The following BORCS5 variants were observed in gnomAD, a reference collection of about 807,000 sequenced individuals.
BORCS5 encodes the protein BLOC-1 related complex subunit 5, also known as BLOC-1-related complex subunit 5.
A neutral mutation model predicts 22.1 loss-of-function variants in BORCS5; 17 were observed. The observed-to-expected ratio is 0.77, with a 90% confidence interval of 0.53 to 1.15. The LOEUF is 1.15. BORCS5 is among the 50% of genes most tolerant of loss of function. BORCS5 has a pLI of 0.00. For missense variants in BORCS5, 247 were observed against 253.2 expected (o/e 0.98, Z 0.17); for synonymous variants, 117 against 99.8 (o/e 1.17, Z -1.03).
intron 2 of BORCS5, among the ~76,000 whole-genome samples, chr12:12,363,310 A>T (rs549222249): frequency 6.6e-6 from 1 of 151,706 alleles, no homozygotes; most frequent in Non-Finnish European, 1.5e-5. Flanking sequence ...AGAAAAAAAA[A>T]AAAAGCCGGC....
intron 3 of BORCS5, 79 bp downstream of exon 3, chr12:12,435,864 A>G (rs1202419971): frequency 1.4e-6 from 2 of 1,397,106 alleles, no homozygotes; most frequent in African/African-American, 2.9e-5. Context: ...TTAAGACTTG[A>G]CATTTGTCAC....
At chr12:12,406,051 A>G (rs1475643078) in intron 2 of BORCS5, among the ~76,000 whole-genome samples, 1 of 152,260 alleles carries the variant, frequency 6.6e-6, no homozygotes, top group African/African-American at 2.4e-5. Flanking sequence ...ACTTTGCCAC[A>G]GGGATTGCTT....
intron 2 of BORCS5, among the ~76,000 whole-genome samples, chr12:12,382,534 C>CT (rs199692677): frequency 0.048 from 6,404 of 132,468 alleles, 307 homozygotes; most frequent in African/African-American, 0.089. Context: ...TGGTATATAT[C>CT]TTTTTTTTTT....
At chr12:12,434,206 C>T (rs1465884101) in intron 2 of BORCS5, among the ~76,000 whole-genome samples, 2 of 148,530 alleles carry the variant, frequency 1.3e-5, no homozygotes, top group Non-Finnish European at 3.0e-5. Flanking sequence ...TTGCTTGGGT[C>T]CAGGAGGTCG....
intron 3 of BORCS5, among the ~76,000 whole-genome samples, chr12:12,455,323 C>T (rs1416577109): frequency 6.6e-6 from 1 of 152,194 alleles, no homozygotes; most frequent in Non-Finnish European, 1.5e-5. Context: ...CCTAAACTGA[C>T]ATCCTTGGGG....
Position 12,357,104 on chromosome 12 carries a change from G to A in BORCS5, c.-348G>A. Reference sequence around the variant, plus strand: ...TCTGCGTCCCGGAAGGAGCGAGCTTGCGGAGCGTGAACCAGTGAGTGAAAG... The same window carrying A: ...TCTGCGTCCCGGAAGGAGCGAGCTTACGGAGCGTGAACCAGTGAGTGAAAG... On this transcript the variant is annotated 5_prime_UTR_variant, in exon 1 of 4. Transcript: ENST00000314565. 1 of 1,534,654 alleles carries A rather than the reference G, an allele frequency of 6.5e-7. No individual in the cohort carries two copies. The highest frequency in any genetic ancestry group is 1.2e-5 in the South Asian group (1 of 83,992).
At chr12:12,452,091 C>G (rs1046903982) in intron 3 of BORCS5, 3 of 474,126 alleles carry the variant, frequency 6.3e-6, no homozygotes, top group Non-Finnish European at 1.2e-5. Context: ...TGGGAGTAGC[C>G]TTTTTAAATT....
At chr12:12,439,590 C>CA (rs1188565197) in intron 3 of BORCS5, among the ~76,000 whole-genome samples, 3 of 152,184 alleles carry the variant, frequency 2.0e-5, no homozygotes, top group Non-Finnish European at 4.4e-5. Context: ...ATCTCCACTC[C>CA]AGTCTGGGCT....
chr12:12,425,372 C>T (rs1227755031), intron 2 of BORCS5, among the ~76,000 whole-genome samples: 2 of 152,162 alleles, frequency 1.3e-5, no homozygotes, highest in Non-Finnish European at 2.9e-5. Context: ...CTTCCTACCA[C>T]AGTCTTCCCC....
chr12:12,394,479 G>A (rs1441353428), intron 2 of BORCS5, among the ~76,000 whole-genome samples: 1 of 151,870 alleles, frequency 6.6e-6, no homozygotes, highest in Non-Finnish European at 1.5e-5. Context: ...GGCTGTTCAG[G>A]GAGTTGGAAT....
chr12:12,456,569 T>C (rs1943001932), intron 3 of BORCS5, among the ~76,000 whole-genome samples: 1 of 152,246 alleles, frequency 6.6e-6, no homozygotes, highest in African/African-American at 2.4e-5. Context: ...GGATATCATT[T>C]ATTAAAGCTT....
At chr12:12,445,927 G>A (rs1356816464) in intron 3 of BORCS5, among the ~76,000 whole-genome samples, 3 of 151,642 alleles carry the variant, frequency 2.0e-5, no homozygotes, top group Non-Finnish European at 2.9e-5. Flanking sequence ...ACAGGCATGA[G>A]CCACCATACC....
rs1476995280 is a variant in BORCS5, at chr12:12,387,470, C to T, written c.202+26121C>T. ...TTTGTTTTCTCCAAAATGGAAGTATCTTTTATTCTGATCATGAAAGTAACA... is the reference window on the plus strand; with the variant it reads ...TTTGTTTTCTCCAAAATGGAAGTATTTTTTATTCTGATCATGAAAGTAACA... On this transcript the variant is annotated intron_variant, in intron 2 of 3. Coordinates refer to ENST00000314565, the MANE Select transcript of BORCS5 (RefSeq NM_058169.6). Among the ~76,000 whole-genome samples, 2 of 151,408 alleles carry T rather than the reference C, an allele frequency of 1.3e-5. 1 individual carries two copies. The highest frequency in any genetic ancestry group is 4.9e-5 in the African/African-American group (2 of 41,182).
chr12:12,408,883 C>A (rs1044711491), intron 2 of BORCS5, among the ~76,000 whole-genome samples: 2 of 152,158 alleles, frequency 1.3e-5, no homozygotes, highest in African/African-American at 2.4e-5. Context: ...TATTGTAAAT[C>A]ATGTTCTTTG....
chr12:12,423,905 G>A (rs1942209109), intron 2 of BORCS5, among the ~76,000 whole-genome samples: 1 of 152,104 alleles, frequency 6.6e-6, no homozygotes, highest in Non-Finnish European at 1.5e-5. Flanking sequence ...GCCCAGGCTG[G>A]TGTCAAACTC....
chr12:12,438,371 A>AAAAAAAAAAAAAAAAAAC (rs1565915549), intron 3 of BORCS5, among the ~76,000 whole-genome samples: 99 of 117,058 alleles, frequency 8.5e-4, no homozygotes, highest in African/African-American at 4.1e-3. Context: ...AAAAAAAAAA[A>AAAAAAAAAAAAAAAAAAC]AAAAAAAAAC....
intron 3 of BORCS5, 156 bp downstream of exon 3, chr12:12,435,941 G>A (rs1403551862): frequency 1.4e-4 from 95 of 681,924 alleles, no homozygotes; most frequent in Non-Finnish European, 7.0e-6. Flanking sequence ...GGTCCACAGA[G>A]CTGGGCTAAT....
intron 3 of BORCS5, among the ~76,000 whole-genome samples, chr12:12,458,667 C>T (rs1943042994): frequency 6.7e-6 from 1 of 150,096 alleles, no homozygotes; most frequent in Non-Finnish European, 1.5e-5. Flanking sequence ...CAACTTCTGC[C>T]TTTTGGGTTC....
intron 2 of BORCS5, among the ~76,000 whole-genome samples, chr12:12,434,343 A>T (rs1013218065): frequency 1.3e-5 from 2 of 149,338 alleles, no homozygotes; most frequent in African/African-American, 2.5e-5. Context: ...TGTCATATGT[A>T]TTCTGTGTTC....
Sources: gnomAD v4.1 joint callset for allele counts (sites outside exome capture counted in the v4.1 genomes callset) on GRCh38, gnomAD v4.1.1 for gene constraint, MANE v1.5 for transcripts, NCBI Gene and HGNC (gene_info 2026-07-23, HGNC 2026-07-21) for gene names.